TYW1B: variants seen among roughly 807,000 people sequenced by gnomAD.
TYW1B encodes the protein S-adenosyl-L-methionine-dependent tRNA 4-demethylwyosine synthase TYW1B.
TYW1B carries 73 observed loss-of-function variants against 86.9 expected under a neutral mutation model. That is an observed-to-expected ratio of 0.84 (90% CI 0.70 to 1.02). The LOEUF is 1.02. Among genes scored for constraint, TYW1B ranks in the 50% least tolerant of loss-of-function variants. The probability of loss-of-function intolerance (pLI) is 0.00; values close to 1 mark genes in which losing one functional copy is unlikely to be tolerated. For synonymous variants in TYW1B, 248 were observed against 292.8 expected, an observed-to-expected ratio of 0.85 and a Z score of 1.56; for missense variants, 637 against 827.4, an observed-to-expected ratio of 0.77 and a Z score of 2.82.
intron 13 of TYW1B, among the ~76,000 whole-genome samples, chr7:72,599,465 T>C (rs1554433262): frequency 6.6e-6 from 1 of 152,120 alleles, no homozygotes; most frequent in Admixed American, 6.6e-5. Context: ...TATTCCCCCA[T>C]TAAGATCTTA....
At chr7:72,683,464 G>A (rs1378034613) in intron 11 of TYW1B, among the ~76,000 whole-genome samples, 8 of 152,146 alleles carry the variant, frequency 5.3e-5, no homozygotes, top group African/African-American at 1.7e-4. Context: ...TAGCTACTTG[G>A]AAGGCTGAGG....
chr7:72,584,209 C>T (rs2129567671), intron 13 of TYW1B, among the ~76,000 whole-genome samples: 1 of 152,244 alleles, frequency 6.6e-6, no homozygotes, highest in East Asian at 1.9e-4. Context: ...CATATCCAGC[C>T]AATGTTTTAA....
chr7:72,626,492 C>T (rs1812352684), intron 12 of TYW1B, among the ~76,000 whole-genome samples: 1 of 152,116 alleles, frequency 6.6e-6, no homozygotes. Context: ...TAAACTTCTA[C>T]TTGGATATTT....
chr7:72,757,890 T>C (rs888442825), intron 7 of TYW1B, among the ~76,000 whole-genome samples: 6 of 152,190 alleles, frequency 3.9e-5, no homozygotes, highest in Non-Finnish European at 7.3e-5. Flanking sequence ...CTAAGAATAA[T>C]GACTTCAAAA....
intron 8 of TYW1B, among the ~76,000 whole-genome samples, chr7:72,741,212 T>C (rs1423290075): frequency 1.3e-5 from 2 of 152,082 alleles, no homozygotes; most frequent in Admixed American, 6.6e-5. Context: ...GGAAACCATG[T>C]ACAAAGAGAT....
At chr7:72,635,959 A>G (rs146641348) in intron 11 of TYW1B, among the ~76,000 whole-genome samples, 1 of 152,324 alleles carries the variant, frequency 6.6e-6, no homozygotes, top group Non-Finnish European at 1.5e-5. Context: ...GCACGGCTCA[A>G]TTCAGGGTAG....
chr7:72,644,220 A>C (rs1191864345), intron 11 of TYW1B, among the ~76,000 whole-genome samples: 2 of 152,244 alleles, frequency 1.3e-5, no homozygotes, highest in Non-Finnish European at 2.9e-5. Flanking sequence ...CTAGGAATAA[A>C]AGGAAATTTC....
chr7:72,695,345 T>C (rs1814290970), intron 10 of TYW1B, among the ~76,000 whole-genome samples: 1 of 152,158 alleles, frequency 6.6e-6, no homozygotes, highest in Admixed American at 6.6e-5. Context: ...GGGTTTCATG[T>C]CAAGCCTTGG....
rs1223639231 is a variant in TYW1B at position 72,574,615 on chromosome 7, T to C, written c.*883A>G. 1.8e-5 allele frequency: 18 copies of C among 985,320 alleles called. No individual in the cohort carries two copies. The highest frequency in any genetic ancestry group is 2.2e-5 in the Non-Finnish European group (18 of 829,940). The allele number at this position is 985,320 out of a possible 1,614,324, so 61.0% of individuals were successfully genotyped here. A position where few individuals can be genotyped will look rare whatever the true frequency, so the allele number is the denominator to read the frequency against. ...TTTGAGTATTTATGATCTTTCCAAC[T>C]TGAAAACACCTGAACCTTATAGAAC... is the stretch of plus-strand genomic sequence containing the variant. On this transcript the variant is annotated 3_prime_UTR_variant, in exon 14 of 14. Coordinates refer to ENST00000620995, the MANE Select transcript of TYW1B (RefSeq NM_001145440.3).
intron 9 of TYW1B, among the ~76,000 whole-genome samples, chr7:72,726,464 G>T (rs1248536655): frequency 6.6e-6 from 1 of 151,494 alleles, no homozygotes; most frequent in East Asian, 1.9e-4. Flanking sequence ...CCGGGTTCAA[G>T]CGATTCTCCT....
chr7:72,821,650 G>A (rs1788829314), intron 2 of TYW1B, among the ~76,000 whole-genome samples: 1 of 152,182 alleles, frequency 6.6e-6, no homozygotes, highest in Admixed American at 6.5e-5. Context: ...AGCAGTGAAG[G>A]TGGTAAGAAG....
At chr7:72,800,656 T>C (rs1360133066) in intron 6 of TYW1B, among the ~76,000 whole-genome samples, 3 of 149,206 alleles carry the variant, frequency 2.0e-5, no homozygotes, top group Admixed American at 6.8e-5. Flanking sequence ...AGAGATACCT[T>C]GTGGTATGTT....
At chr7:72,683,827 G>A (rs1291036326) in intron 11 of TYW1B, among the ~76,000 whole-genome samples, 9 of 152,148 alleles carry the variant, frequency 5.9e-5, no homozygotes, top group African/African-American at 2.2e-4. Flanking sequence ...GATGCAAAGG[G>A]CTCCAGTGGA....
At chr7:72,815,624 CT>C in intron 2 of TYW1B, 143 bp from the exon 3 acceptor site, 1 of 686,668 alleles carries the variant, frequency 1.5e-6, no homozygotes, top group Non-Finnish European at 2.5e-6. Flanking sequence ...TATCCGCACT[CT>C]TACCATTTTC....
intron 13 of TYW1B, among the ~76,000 whole-genome samples, chr7:72,587,317 A>T (rs1811298372): frequency 6.6e-6 from 1 of 152,170 alleles, no homozygotes; most frequent in South Asian, 2.1e-4. Context: ...ATTAATCAAG[A>T]CAGGGGAACT....
chr7:72,585,402 T>C (rs1811249738), intron 13 of TYW1B, among the ~76,000 whole-genome samples: 1 of 152,182 alleles, frequency 6.6e-6, no homozygotes, highest in African/African-American at 2.4e-5. Flanking sequence ...TTGGAGGTGG[T>C]TTGTATGACT....
intron 13 of TYW1B, among the ~76,000 whole-genome samples, chr7:72,599,025 C>T (rs1362181533): frequency 6.6e-6 from 1 of 152,148 alleles, no homozygotes. Context: ...GGAAACACTT[C>T]CTAACCCATT....
At chr7:72,622,760 A>G (rs539025281) in intron 12 of TYW1B, among the ~76,000 whole-genome samples, 1 of 151,494 alleles carries the variant, frequency 6.6e-6, no homozygotes, top group South Asian at 2.1e-4. Flanking sequence ...AAGTGCACAC[A>G]CCACACACAT....
At chr7:72,791,246 G>A (rs1226231291) in intron 6 of TYW1B, among the ~76,000 whole-genome samples, 1 of 151,988 alleles carries the variant, frequency 6.6e-6, no homozygotes, top group Non-Finnish European at 1.5e-5. Flanking sequence ...ATAGGATTCC[G>A]AAGAAACCTT....
Sources: gnomAD v4.1 joint callset for allele counts (sites outside exome capture counted in the v4.1 genomes callset) on GRCh38, gnomAD v4.1.1 for gene constraint, MANE v1.5 for transcripts, NCBI Gene and HGNC (gene_info 2026-07-23, HGNC 2026-07-21) for gene names.